The following CDYL2 variants were observed in gnomAD, a reference collection of about 807,000 sequenced individuals.
CDYL2 encodes the protein chromodomain Y like 2, also known as chromodomain Y-like protein 2.
Under a neutral mutation model 49.4 loss-of-function variants are expected in CDYL2, and 23 were observed. The ratio of observed to expected loss-of-function variants is 0.47; its 90% CI spans 0.34 to 0.66. The LOEUF (loss-of-function observed/expected upper bound fraction) is 0.66, where lower values mean the gene tolerates loss of function less well. Among genes scored for constraint, CDYL2 ranks in the 30% least tolerant of loss-of-function variants. CDYL2 has a pLI of 0.01. For missense variants in CDYL2, 678 were observed against 656.4 expected (o/e 1.03, Z -0.36); for synonymous variants, 360 against 268.8 (o/e 1.34, Z -3.32).
At chr16:80,795,249 C>T (rs564251112) in intron 1 of CDYL2, among the ~76,000 whole-genome samples, 52 of 152,202 alleles carry the variant, frequency 3.4e-4, no homozygotes, top group African/African-American at 1.2e-3. Context: ...ACAAACGTAT[C>T]CCTCAAGTCT....
chr16:80,680,889 C>T (rs764776234), intron 2 of CDYL2, among the ~76,000 whole-genome samples: 3 of 152,074 alleles, frequency 2.0e-5, no homozygotes, highest in Admixed American at 6.5e-5. Context: ...GGATACAGCC[C>T]GTTTTAACAA....
intron 1 of CDYL2, among the ~76,000 whole-genome samples, chr16:80,790,267 C>G (rs1482903754): frequency 1.3e-5 from 2 of 152,132 alleles, no homozygotes; most frequent in African/African-American, 4.8e-5. Flanking sequence ...ATAGACGTGG[C>G]TACACAAATG....
At chr16:80,626,292 A>T (rs1907297613) in intron 3 of CDYL2, among the ~76,000 whole-genome samples, 1 of 151,178 alleles carries the variant, frequency 6.6e-6, no homozygotes, top group South Asian at 2.1e-4. Context: ...AAAAAAAAAA[A>T]AAAAGGAAAA....
At chr16:80,696,592 T>C (rs545935189) in intron 1 of CDYL2, among the ~76,000 whole-genome samples, 1 of 151,640 alleles carries the variant, frequency 6.6e-6, no homozygotes, top group South Asian at 2.1e-4. Context: ...TGCCAACAAA[T>C]TGGAAAGCCT....
At position 80,720,956 on chromosome 16, in the gene CDYL2, C is replaced by A. The variant is rs536915345; in HGVS notation, c.25-35827G>T. On this transcript the variant is annotated intron_variant, in intron 1 of 6. Coordinates refer to ENST00000570137, the MANE Select transcript of CDYL2 (RefSeq NM_152342.4). ...ATAGACTAAAATAACCAGAAAGAAC[C>A]CATATCATTTCATTATAAGGAAGTG... Among the ~76,000 whole-genome samples, 3 of 152,102 alleles carry A rather than the reference C, an allele frequency of 2.0e-5. No individual in the cohort carries two copies. In the South Asian group the frequency reaches 6.2e-4, roughly 32 times the overall value.
intron 1 of CDYL2, among the ~76,000 whole-genome samples, chr16:80,725,441 G>C (rs192330915): frequency 1.3e-5 from 2 of 152,324 alleles, no homozygotes; most frequent in Admixed American, 1.3e-4. Context: ...GCCCCATGTA[G>C]CTGGCTCTAT....
intron 2 of CDYL2, among the ~76,000 whole-genome samples, chr16:80,652,771 C>CA (rs1908639693): frequency 6.6e-6 from 1 of 152,098 alleles, no homozygotes; most frequent in African/African-American, 2.4e-5. Flanking sequence ...TCCCTCCTCC[C>CA]AAAAACTCAC....
Position 80,684,917 on chromosome 16 carries a change from A to G in CDYL2, c.237T>C (p.Arg79=), listed in dbSNP as rs1197659372. Residue 79 remains arginine (R), a synonymous_variant, in exon 2 of 7, where the codon CGT becomes CGC. Transcript: ENST00000570137. ...GKQSSTSKLL[R]DSRGPSVEKL... is the part of the protein sequence containing the mutation. ...TCTCAACCGACGGGCCTCGACTGTC[A>G]CGCAGCAGCTTGGAGGTACTGGACT... 6.2e-6 allele frequency: 10 copies of G among 1,614,164 alleles called. No individual in the cohort carries two copies. The East Asian group carries it at 2.2e-4, about 36-fold the overall frequency.
chr16:80,658,585 A>T (rs533227544), intron 2 of CDYL2, among the ~76,000 whole-genome samples: 2 of 152,356 alleles, frequency 1.3e-5, no homozygotes, highest in African/African-American at 2.4e-5. Flanking sequence ...GGAAGAAGAC[A>T]TACAAATATG....
At chr16:80,620,404 G>C (rs919155347) in intron 4 of CDYL2, among the ~76,000 whole-genome samples, 1 of 152,144 alleles carries the variant, frequency 6.6e-6, no homozygotes, top group South Asian at 2.1e-4. Flanking sequence ...CATCAGGCAA[G>C]GGGCGGGAGT....
Position 80,794,413 on chromosome 16 carries a change from G to C in CDYL2, c.24+9737C>G, listed in dbSNP as rs927160338. The stretch of plus-strand genomic sequence containing the variant: ...GAAGAACCACTGTTGCTGAAATAGT[G>C]CATTTACCAGAAGTTCCAATATATG... On this transcript the variant is annotated intron_variant, in intron 1 of 6. Transcript: ENST00000570137. 3.9e-5 allele frequency among the ~76,000 whole-genome samples: 6 copies of C among 152,012 alleles called. 1 individual carries two copies. The highest frequency in any genetic ancestry group is 3.9e-4 in the Admixed American group (6 of 15,258).
At chr16:80,699,953 C>G (rs1397058940) in intron 1 of CDYL2, among the ~76,000 whole-genome samples, 1 of 152,112 alleles carries the variant, frequency 6.6e-6, no homozygotes, top group Non-Finnish European at 1.5e-5. Context: ...CCGCAAGCCC[C>G]GCCTCCCTGA....
chr16:80,700,069 C>T (rs1002301544), intron 1 of CDYL2, among the ~76,000 whole-genome samples: 17 of 152,244 alleles, frequency 1.1e-4, no homozygotes, highest in African/African-American at 3.4e-4. Context: ...CCATGTTAGC[C>T]AGGATGGTCT....
intron 1 of CDYL2, among the ~76,000 whole-genome samples, chr16:80,801,966 C>T (rs1907939485): frequency 6.6e-6 from 1 of 152,110 alleles, no homozygotes; most frequent in African/African-American, 2.4e-5. Context: ...TGCAAATAAT[C>T]AGCCATGGGA....
chr16:80,710,428 C>T (rs147480648), intron 1 of CDYL2, among the ~76,000 whole-genome samples: 13 of 152,218 alleles, frequency 8.5e-5, no homozygotes, highest in African/African-American at 3.1e-4. Flanking sequence ...ACTCTAAGGA[C>T]ATAATTGAAT....
intron 1 of CDYL2, among the ~76,000 whole-genome samples, chr16:80,803,213 T>C (rs1183784910): frequency 6.6e-6 from 1 of 152,212 alleles, no homozygotes. Context: ...CCAAAGACCA[T>C]GGGTGTTCCT....
At chr16:80,606,748 T>C (rs184774530) in intron 6 of CDYL2, among the ~76,000 whole-genome samples, 310 of 152,324 alleles carry the variant, frequency 2.0e-3, no homozygotes, top group African/African-American at 7.0e-3. Context: ...GGGAGATAAT[T>C]CAATGACGGG....
At chr16:80,787,559 G>C (rs1907477830) in intron 1 of CDYL2, among the ~76,000 whole-genome samples, 1 of 152,080 alleles carries the variant, frequency 6.6e-6, no homozygotes, top group African/African-American at 2.4e-5. Flanking sequence ...AATTCAATGT[G>C]AAACACCTAG....
rs28453876 is a variant in CDYL2 at position 80,602,244 on chromosome 16, T to A, written c.*2144A>T. Reference sequence around the variant, plus strand: ...ACAGGCATTTGGGCAAAAGCAGGTGTCTCCCTATAGTAACTCCCTGTAGGA... The same window carrying A: ...ACAGGCATTTGGGCAAAAGCAGGTGACTCCCTATAGTAACTCCCTGTAGGA... On this transcript the variant is annotated 3_prime_UTR_variant, in exon 7 of 7. Transcript: ENST00000570137. The A allele has an allele frequency of 7.2e-5, 11 of 152,144 alleles. No individual in the cohort carries two copies. The highest frequency in any genetic ancestry group is 2.7e-4 in the African/African-American group (11 of 41,424). 9.4% of individuals were successfully genotyped at this position (152,144 alleles called of 1,614,324 possible). A position where few individuals can be genotyped will look rare whatever the true frequency, so the allele number is the denominator to read the frequency against.
Sources: gnomAD v4.1 joint callset for allele counts (sites outside exome capture counted in the v4.1 genomes callset) on GRCh38, gnomAD v4.1.1 for gene constraint, MANE v1.5 for transcripts, NCBI Gene and HGNC (gene_info 2026-07-23, HGNC 2026-07-21) for gene names.